Variants in ZFAND3 observed in about 807,000 individuals in gnomAD.
ZFAND3 encodes AN1-type zinc finger protein 3.
In ZFAND3, 10 loss-of-function variants were observed where a neutral mutation model predicts 29.6. The ratio of observed to expected loss-of-function variants is 0.34; its 90% CI spans 0.21 to 0.57. The LOEUF is 0.57. Among genes scored for constraint, ZFAND3 ranks in the 20% least tolerant of loss-of-function variants. The pLI is 0.86. For missense variants in ZFAND3, 230 were observed against 304.5 expected (o/e 0.76, Z 1.82); for synonymous variants, 128 against 112.6 (o/e 1.14, Z -0.87).
intron 5 of ZFAND3, among the ~76,000 whole-genome samples, chr6:38,125,616 G>C (rs1581939819): frequency 6.6e-6 from 1 of 152,248 alleles, no homozygotes; most frequent in South Asian, 2.1e-4. Flanking sequence ...TAGCATACTT[G>C]CAGCTACTTG....
At chr6:37,924,824 AAAAAT>A (rs1231080334) in intron 1 of ZFAND3, among the ~76,000 whole-genome samples, 1 of 152,042 alleles carries the variant, frequency 6.6e-6, no homozygotes, top group Non-Finnish European at 1.5e-5. Flanking sequence ...CAAAAAAACA[AAAAAT>A]AAAAAAATAA....
At chr6:38,147,690 T>C (rs531683634) in intron 5 of ZFAND3, among the ~76,000 whole-genome samples, 10 of 152,366 alleles carry the variant, frequency 6.6e-5, no homozygotes, top group African/African-American at 2.4e-4. Context: ...GGGTAAGATA[T>C]CTCATTGTGG....
chr6:38,062,228 C>T (rs1409596507), intron 3 of ZFAND3, among the ~76,000 whole-genome samples: 1 of 152,110 alleles, frequency 6.6e-6, no homozygotes, highest in East Asian at 1.9e-4. Flanking sequence ...TTACCTCTGT[C>T]ACTAACTGGG....
At position 37,918,951 on chromosome 6, in the gene ZFAND3, CT is replaced by C. The variant is rs66941014; in HGVS notation, c.72-10988del. On this transcript the variant is annotated intron_variant, in intron 1 of 5. Transcript: ENST00000287218. ...TGTGTTTTCAAAACATGAAAAATGC[CT>C]TTTTTTTTTTTTTTTTTTTGAGACG... Among the ~76,000 whole-genome samples the C allele has an allele frequency of 1.9e-3, 203 of 104,712 alleles. 1 individual carries two copies. Among genetic ancestry groups the C allele is most frequent in the Admixed American group, 3.1e-3 (30 of 9,730 alleles). 68.7% of individuals were successfully genotyped at this position (104,712 alleles called of 152,430 possible).
At chr6:38,132,596 G>A (rs370547589) in intron 5 of ZFAND3, among the ~76,000 whole-genome samples, 1 of 152,198 alleles carries the variant, frequency 6.6e-6, no homozygotes, top group Non-Finnish European at 1.5e-5. Context: ...ACAAACTTGC[G>A]ATTCCTTGAC....
intron 1 of ZFAND3, among the ~76,000 whole-genome samples, chr6:37,852,828 G>A (rs1764307011): frequency 6.6e-6 from 1 of 151,226 alleles, no homozygotes; most frequent in Non-Finnish European, 1.5e-5. Flanking sequence ...CAGTTCTCAT[G>A]CCTCAGCCTC....
chr6:38,024,487 A>AG (rs1763409390), intron 2 of ZFAND3, among the ~76,000 whole-genome samples: 1 of 150,944 alleles, frequency 6.6e-6, no homozygotes, highest in Non-Finnish European at 1.5e-5. Flanking sequence ...AAAAAAAAAA[A>AG]GTACCTAAAC....
chr6:37,843,831 TAA>T (rs370695472), intron 1 of ZFAND3, among the ~76,000 whole-genome samples: 4 of 140,180 alleles, frequency 2.9e-5, no homozygotes, highest in Non-Finnish European at 1.6e-5. Context: ...TTGTAGTTTC[TAA>T]AAAAAAAAAA....
intron 4 of ZFAND3, among the ~76,000 whole-genome samples, chr6:38,095,060 T>C (rs1764950254): frequency 6.6e-6 from 1 of 152,224 alleles, no homozygotes; most frequent in Admixed American, 6.5e-5. Flanking sequence ...TGTATGTTCA[T>C]AGGTTGTTCC....
In ZFAND3 at chr6:37,891,586, A is replaced by C. The variant is rs554983168; in HGVS notation, c.72-38373A>C. Reference sequence around the variant, plus strand: ...TGCTGCACTCCAGCCTGGGCTAAATAAATAAATAATAAATAAATAAATAAA... The same window carrying C: ...TGCTGCACTCCAGCCTGGGCTAAATCAATAAATAATAAATAAATAAATAAA... On this transcript the variant is annotated intron_variant, in intron 1 of 5. Transcript: ENST00000287218. Among the ~76,000 whole-genome samples the C allele has an allele frequency of 3.2e-3, 466 of 145,276 alleles. 3 individuals are homozygous for C. Among genetic ancestry groups the C allele is most frequent in the African/African-American group, 0.012 (443 of 36,568 alleles).
At chr6:37,875,473 T>G (rs995657686) in intron 1 of ZFAND3, among the ~76,000 whole-genome samples, 5 of 150,040 alleles carry the variant, frequency 3.3e-5, no homozygotes, top group African/African-American at 1.2e-4. Flanking sequence ...AGTAAATGAT[T>G]TTTTTTTTTG....
chr6:37,938,029 T>G lies in ZFAND3; in HGVS notation c.112+8030T>G, dbSNP rs1329956085. ...GGGCACTAAAATGTCACAGTTTTCT[T>G]TTACCCTAGTCATCATCTTCCCAAC... is the stretch of plus-strand genomic sequence containing the variant. On this transcript the variant is annotated intron_variant, in intron 2 of 5. Coordinates refer to ENST00000287218, the MANE Select transcript of ZFAND3 (RefSeq NM_021943.3). Among the ~76,000 whole-genome samples, 4 of 152,208 alleles carry G rather than the reference T, an allele frequency of 2.6e-5. No homozygotes were observed. In the South Asian group the frequency reaches 8.3e-4, roughly 32 times the overall value.
At chr6:38,070,146 T>G (rs1764422939) in intron 3 of ZFAND3, among the ~76,000 whole-genome samples, 1 of 152,214 alleles carries the variant, frequency 6.6e-6, no homozygotes. Context: ...TTATCTTGGC[T>G]GGGTGCTGTG....
chr6:38,027,893 GC>G (rs978940624), intron 2 of ZFAND3, among the ~76,000 whole-genome samples: 33 of 152,336 alleles, frequency 2.2e-4, no homozygotes, highest in African/African-American at 6.7e-4. Flanking sequence ...TGACTGCCCT[GC>G]TATGGAGCCT....
chr6:37,897,861 A>G (rs1765247485), intron 1 of ZFAND3, among the ~76,000 whole-genome samples: 1 of 152,236 alleles, frequency 6.6e-6, no homozygotes, highest in African/African-American at 2.4e-5. Context: ...AAAGAATAGC[A>G]AAAACACACA....
At chr6:38,139,858 G>A (rs1464678062) in intron 5 of ZFAND3, among the ~76,000 whole-genome samples, 2 of 152,132 alleles carry the variant, frequency 1.3e-5, no homozygotes, top group African/African-American at 2.4e-5. Flanking sequence ...GATATGGGGC[G>A]ACCACCTAAA....
chr6:37,896,570 C>CTTTCTTTCTTTCTTTCTT (rs1554153801), intron 1 of ZFAND3, among the ~76,000 whole-genome samples: 20 of 124,598 alleles, frequency 1.6e-4, no homozygotes, highest in African/African-American at 5.1e-4. Context: ...TTCTTTCTTT[C>CTTTCTTTCTTTCTTTCTT]TCTCTTTCTC....
At chr6:38,103,015 C>T (rs1315820243) in intron 4 of ZFAND3, among the ~76,000 whole-genome samples, 1 of 152,092 alleles carries the variant, frequency 6.6e-6, no homozygotes, top group African/African-American at 2.4e-5. Context: ...CTGCGGCTTC[C>T]CAAAGTGCTG....
intron 1 of ZFAND3, among the ~76,000 whole-genome samples, chr6:37,831,498 G>T (rs1300326685): frequency 6.6e-6 from 1 of 152,126 alleles, no homozygotes; most frequent in African/African-American, 2.4e-5. Context: ...GAAAGCTCAC[G>T]GTCTAGAAGG....
Sources: gnomAD v4.1 joint callset for allele counts (sites outside exome capture counted in the v4.1 genomes callset) on GRCh38, gnomAD v4.1.1 for gene constraint, MANE v1.5 for transcripts, NCBI Gene and HGNC (gene_info 2026-07-23, HGNC 2026-07-21) for gene names.